Variants in ZNF624 observed in about 807,000 individuals in gnomAD.
The protein encoded by ZNF624 is zinc finger protein 624.
ZNF624 carries 43 observed loss-of-function variants against 74.7 expected under a neutral mutation model. The observed-to-expected ratio is 0.58, with a 90% CI of 0.45 to 0.74. The LOEUF (loss-of-function observed/expected upper bound fraction) is 0.74, where lower values mean the gene tolerates loss of function less well. ZNF624 is among the 30% of genes least tolerant of loss of function. The pLI is 0.00. For synonymous variants in ZNF624, 331 were observed against 341.3 expected (o/e 0.97, Z 0.33); for missense variants, 820 against 1,030.0 (o/e 0.80, Z 2.79).
chr17:16,649,560 G>T, intron 2 of ZNF624, 98 bp downstream of exon 2: 2 of 1,061,588 alleles, frequency 1.9e-6, no homozygotes, highest in Admixed American at 1.8e-5. Flanking sequence ...GTTCCCAGAA[G>T]GGGTGTCGGG....
downstream of ZNF624, among the ~76,000 whole-genome samples, chr17:16,618,442 C>T (rs768515192): frequency 1.1e-4 from 17 of 151,990 alleles, no homozygotes; most frequent in Non-Finnish European, 2.2e-4. Context: ...CAGAATTAAT[C>T]TATGTATCTG....
intron 3 of ZNF624, among the ~76,000 whole-genome samples, chr17:16,643,595 C>A (rs1909517035): frequency 6.6e-6 from 1 of 152,082 alleles, no homozygotes; most frequent in African/African-American, 2.4e-5. Context: ...TAATTCCATA[C>A]AGTGATGGTT....
At position 16,633,584 on chromosome 17, in the gene ZNF624, T is replaced by TA; in HGVS notation, c.376+277dup. Among the ~76,000 whole-genome samples, 5 of 152,278 alleles carry TA rather than the reference T, an allele frequency of 3.3e-5. No individual in the cohort carries two copies. The Middle Eastern group carries it at 0.017, about 518-fold the overall frequency. On this transcript the variant is annotated intron_variant, in intron 5 of 5. Transcript: ENST00000311331. Reference sequence around the variant, plus strand: ...GAAGACAGACCTGAAAGGGATATTTTATGCAAGTTTGAATGAAGAAGAAAT... The same window carrying TA: ...GAAGACAGACCTGAAAGGGATATTTTAATGCAAGTTTGAATGAAGAAGAAAT...
chr17:16,630,211 A>C (rs1909173011), intron 5 of ZNF624, among the ~76,000 whole-genome samples: 1 of 152,160 alleles, frequency 6.6e-6, no homozygotes, highest in Non-Finnish European at 1.5e-5. Context: ...TTTCAAACTT[A>C]CCAAAAATAT....
At chr17:16,643,936 T>C (rs1909526545) in intron 3 of ZNF624, among the ~76,000 whole-genome samples, 1 of 152,282 alleles carries the variant, frequency 6.6e-6, no homozygotes, top group South Asian at 2.1e-4. Context: ...TGGGAGGTGT[T>C]TGTGTCATGG....
intron 3 of ZNF624, among the ~76,000 whole-genome samples, chr17:16,641,994 A>C (rs1171291534): frequency 6.6e-6 from 1 of 152,266 alleles, no homozygotes; most frequent in African/African-American, 2.4e-5. Context: ...CAAAACTGAA[A>C]GAAACTAAAG....
At position 16,628,660 on chromosome 17, in the gene ZNF624, G is replaced by A. The variant is rs74734809; in HGVS notation, c.377-4151C>T. Among the ~76,000 whole-genome samples the A allele has an allele frequency of 6.8e-3, 1,041 of 152,162 alleles. 5 individuals are homozygous for A. The highest frequency in any genetic ancestry group is 0.011 in the Non-Finnish European group (755 of 68,004). On this transcript the variant is annotated intron_variant, in intron 5 of 5. Transcript: ENST00000311331. ...AAGCAGAAGAGACATCCAGGATAGG[G>A]TGAAAAGGTCTATCACAGATGTAAC...
rs567452521 is a variant in ZNF624, at chr17:16,639,434, G to T, written c.154-4678C>A. 2.0e-5 allele frequency among the ~76,000 whole-genome samples: 3 copies of T among 152,262 alleles called. No homozygotes were observed. The East Asian group carries it at 5.8e-4, about 29-fold the overall frequency. ...AACTTTATTGTTAATCACTTGACAT[G>T]TGTCTGTAACCAATGTACTGGGTTT... On this transcript the variant is annotated intron_variant, in intron 3 of 5. Coordinates refer to ENST00000311331, the MANE Select transcript of ZNF624 (RefSeq NM_020787.4).
intron 5 of ZNF624, among the ~76,000 whole-genome samples, chr17:16,629,008 G>C (rs927584294): frequency 2.6e-5 from 4 of 151,808 alleles, no homozygotes; most frequent in African/African-American, 9.7e-5. Flanking sequence ...GACCAGCCTG[G>C]CCAATGTGGC....
At chr17:16,650,092 A>C (rs1008318082) in intron 1 of ZNF624, among the ~76,000 whole-genome samples, 4 of 152,196 alleles carry the variant, frequency 2.6e-5, no homozygotes, top group African/African-American at 7.2e-5. Context: ...CATGACCCCA[A>C]ATCAATCTAA....
At chr17:16,617,994 G>A, downstream of ZNF624, 1 of 642,028 alleles carries the variant, frequency 1.6e-6, no homozygotes, top group Non-Finnish European at 2.8e-6. Flanking sequence ...TCACACCATA[G>A]TGGCGGCCGA....
chr17:16,627,506 C>T (rs925945385), intron 5 of ZNF624, among the ~76,000 whole-genome samples: 2 of 152,158 alleles, frequency 1.3e-5, no homozygotes, highest in Admixed American at 6.5e-5. Flanking sequence ...AAAGACTTAA[C>T]AAATTACAAG....
intron 5 of ZNF624, among the ~76,000 whole-genome samples, chr17:16,632,029 G>T (rs1909220018): frequency 6.6e-6 from 1 of 152,164 alleles, no homozygotes; most frequent in African/African-American, 2.4e-5. Context: ...GGCCAAGATG[G>T]CTTCCCTGGT....
At chr17:16,632,653 A>G (rs1054271411) in intron 5 of ZNF624, among the ~76,000 whole-genome samples, 8 of 152,188 alleles carry the variant, frequency 5.3e-5, no homozygotes, top group Admixed American at 4.6e-4. Context: ...ATTTCTTTCC[A>G]TCTCCACTAC....
Position 16,634,690 on chromosome 17 carries a change from T to A in ZNF624, c.220A>T (p.Thr74Ser). The change falls in exon 4 of 6, where the codon ACA (threonine) becomes TCA (serine). Residue 74 changes from threonine to serine, a missense_variant. Physicochemically the swap from Thr to Ser is moderately conservative, Grantham distance 58. Coordinates refer to ENST00000311331, the MANE Select transcript of ZNF624 (RefSeq NM_020787.4). ...TLEEWRLMDPTQRNLHKDVML... is the reference protein window; with the variant it reads ...TLEEWRLMDPSQRNLHKDVML... ...ACATCCTTGTGCAGGTTCCTCTGTG[T>A]AGGGTCCATCAACCTCCACTCCTCC... 1 of 1,613,826 alleles carries A rather than the reference T, an allele frequency of 6.2e-7. No individual in the cohort carries two copies. Among genetic ancestry groups the A allele is most frequent in the South Asian group, 1.1e-5 (1 of 91,066 alleles).
intron 3 of ZNF624, among the ~76,000 whole-genome samples, chr17:16,642,124 C>G (rs1362197421): frequency 1.3e-5 from 2 of 152,100 alleles, no homozygotes; most frequent in Non-Finnish European, 2.9e-5. Context: ...AAAATTCCAT[C>G]TGGCTTTTTT....
At chr17:16,634,561 G>A (rs1196966926) in intron 4 of ZNF624, 69 bp downstream of exon 4, 1 of 1,538,054 alleles carries the variant, frequency 6.5e-7, no homozygotes, top group Non-Finnish European at 8.7e-7. Flanking sequence ...GTACTTTAGA[G>A]GCCCTTTATC....
intron 3 of ZNF624, among the ~76,000 whole-genome samples, chr17:16,642,335 A>G (rs552868808): frequency 8.1e-4 from 123 of 152,306 alleles, no homozygotes; most frequent in Non-Finnish European, 1.5e-3. Flanking sequence ...ATTTACATCA[A>G]TGGAATAGAA....
chr17:16,629,518 C>A (rs912009713), intron 5 of ZNF624, among the ~76,000 whole-genome samples: 1 of 151,850 alleles, frequency 6.6e-6, no homozygotes, highest in African/African-American at 2.4e-5. Context: ...TTCTGTATAG[C>A]CAGCAAGATA....
Sources: gnomAD v4.1 joint callset for allele counts (sites outside exome capture counted in the v4.1 genomes callset) on GRCh38, gnomAD v4.1.1 for gene constraint, MANE v1.5 for transcripts, NCBI Gene and HGNC (gene_info 2026-07-23, HGNC 2026-07-21) for gene names.